SOX6: variants seen among roughly 807,000 people sequenced by gnomAD.
SOX6 encodes the protein SRY-box transcription factor 6.
Under a neutral mutation model 97.8 loss-of-function variants are expected in SOX6, and 11 were observed. The observed-to-expected ratio is 0.11, with a 90% confidence interval of 0.07 to 0.19. The LOEUF is 0.19. SOX6 is among the 10% of genes least tolerant of loss of function. The pLI, the probability that SOX6 is intolerant of heterozygous loss-of-function variation, is 1.00. For missense variants in SOX6, 810 were observed against 1,039.5 expected (o/e 0.78, Z 3.04); for synonymous variants, 360 against 371.4 (o/e 0.97, Z 0.35).
At chr11:16,376,365 G>C (rs1448912012) in intron 1 of SOX6, among the ~76,000 whole-genome samples, 2 of 151,840 alleles carry the variant, frequency 1.3e-5, no homozygotes, top group East Asian at 3.9e-4. Context: ...AGTGGAAATA[G>C]AGAGAGAGAG....
At chr11:15,996,710 T>C (rs1854238216) in intron 13 of SOX6, among the ~76,000 whole-genome samples, 1 of 151,712 alleles carries the variant, frequency 6.6e-6, no homozygotes, top group Non-Finnish European at 1.5e-5. Flanking sequence ...AGGGATTCAA[T>C]TAACACAAAG....
intron 4 of SOX6, among the ~76,000 whole-genome samples, chr11:16,499,311 G>C (rs1292320557): frequency 1.3e-5 from 2 of 152,138 alleles, no homozygotes; most frequent in African/African-American, 4.8e-5. Context: ...TCAAAGCAGT[G>C]TGTAGAGGGA....
chr11:16,560,740 A>G (rs1847806237), intron 4 of SOX6, among the ~76,000 whole-genome samples: 1 of 152,208 alleles, frequency 6.6e-6, no homozygotes, highest in South Asian at 2.1e-4. Flanking sequence ...ACTCAATCTG[A>G]GGAAACAATC....
At chr11:16,666,107 A>G (rs937010108) in intron 3 of SOX6, among the ~76,000 whole-genome samples, 15 of 152,218 alleles carry the variant, frequency 9.9e-5, no homozygotes, top group African/African-American at 3.6e-4. Context: ...AGCCCAGACT[A>G]CAAAGACTAC....
At chr11:16,575,579 T>C (rs1304942895) in intron 4 of SOX6, among the ~76,000 whole-genome samples, 1 of 152,226 alleles carries the variant, frequency 6.6e-6, no homozygotes, top group African/African-American at 2.4e-5. Context: ...GTCTTCATGA[T>C]AATGATACAG....
At chr11:16,242,471 C>T (rs2134187098) in intron 3 of SOX6, among the ~76,000 whole-genome samples, 1 of 151,954 alleles carries the variant, frequency 6.6e-6, no homozygotes, top group African/African-American at 2.4e-5. Flanking sequence ...TGTGACTGTG[C>T]TTTGAAACAA....
chr11:16,253,238 A>G (rs1322540007), intron 3 of SOX6, among the ~76,000 whole-genome samples: 2 of 152,008 alleles, frequency 1.3e-5, no homozygotes, highest in African/African-American at 4.8e-5. Context: ...AATCCCAGCT[A>G]TTCAGGAGGC....
chr11:16,341,029 A>T lies in SOX6; in HGVS notation c.220T>A (p.Ser74Thr). The T allele has an allele frequency of 1.2e-6, 2 of 1,613,384 alleles. No homozygotes were observed. The highest frequency in any genetic ancestry group is 1.1e-5 in the South Asian group (1 of 91,076). ...QQDADWDSVL[S>T]SQQRMESENN... ...AGGCTCACCATTCTTTGCTGAGATG[A>T]CAGAACGCTGTCCCAGTCAGCATCT... Residue 74 changes from serine to threonine, a missense_variant, in exon 2 of 16, where the codon TCA (serine) becomes ACA (threonine). Physicochemically the swap from Ser to Thr is moderately conservative, Grantham distance 58 (BLOSUM62 1). Around this residue, in one of 9 missense-constraint regions of SOX6, gnomAD observed 100 missense variants for 94.6 expected, o/e 1.06. Coordinates refer to ENST00000683767, the MANE Select transcript of SOX6 (RefSeq NM_001367873.1).
At chr11:16,465,814 G>C (rs955797012) in intron 1 of SOX6, 1 of 152,156 alleles carries the variant, frequency 6.6e-6, no homozygotes, top group African/African-American at 2.4e-5. Flanking sequence ...CAAACTGTGT[G>C]AGCTGAAAAG....
At chr11:16,483,282 G>A (rs1860376320) in intron 4 of SOX6, among the ~76,000 whole-genome samples, 1 of 151,932 alleles carries the variant, frequency 6.6e-6, no homozygotes, top group African/African-American at 2.4e-5. Flanking sequence ...CCTTCCCAAA[G>A]AAAGAACAAT....
At chr11:16,113,607 C>T (rs1159360442) in intron 6 of SOX6, among the ~76,000 whole-genome samples, 1 of 152,106 alleles carries the variant, frequency 6.6e-6, no homozygotes, top group Non-Finnish European at 1.5e-5. Context: ...TTATGGGTTA[C>T]AATTGTTCAG....
intron 3 of SOX6, among the ~76,000 whole-genome samples, chr11:16,255,643 A>G (rs1853658519): frequency 6.6e-6 from 1 of 152,072 alleles, no homozygotes; most frequent in Non-Finnish European, 1.5e-5. Flanking sequence ...TCTAAAAGCG[A>G]TAAGCTGAGC....
At chr11:16,503,116 A>G (rs1860733586) in intron 4 of SOX6, among the ~76,000 whole-genome samples, 1 of 152,218 alleles carries the variant, frequency 6.6e-6, no homozygotes, top group African/African-American at 2.4e-5. Flanking sequence ...CAGCAAAGTT[A>G]TCCTTCATAA....
intron 1 of SOX6, among the ~76,000 whole-genome samples, chr11:16,365,837 T>G (rs761911962): frequency 1.3e-5 from 2 of 152,274 alleles, no homozygotes; most frequent in East Asian, 3.9e-4. Flanking sequence ...CACTAAAAAG[T>G]AAAAAGCTCT....
chr11:16,269,889 T>TA (rs1032450763), intron 3 of SOX6: 11 of 151,320 alleles, frequency 7.3e-5, no homozygotes, highest in African/African-American at 2.4e-4. Flanking sequence ...TTTACTTCGT[T>TA]ACAACTTCTT....
chr11:16,625,522 T>G (rs1848612176), intron 3 of SOX6, among the ~76,000 whole-genome samples: 1 of 152,290 alleles, frequency 6.6e-6, no homozygotes, highest in South Asian at 2.1e-4. Flanking sequence ...TGACGTTTTC[T>G]GTGTGAGAGG....
At chr11:16,517,637 T>C (rs1860994046) in intron 4 of SOX6, among the ~76,000 whole-genome samples, 1 of 152,174 alleles carries the variant, frequency 6.6e-6, no homozygotes, top group Non-Finnish European at 1.5e-5. Context: ...AACATCTATA[T>C]ATATTACACC....
At chr11:16,206,094 G>A (rs895051274) in intron 4 of SOX6, among the ~76,000 whole-genome samples, 3 of 151,590 alleles carry the variant, frequency 2.0e-5, no homozygotes, top group African/African-American at 7.3e-5. Flanking sequence ...TATGTATGTT[G>A]TATATATACA....
rs571133797 is a variant in SOX6 at position 16,644,306 on chromosome 11, C to G, written n.430-32046G>C. On this transcript the variant is annotated intron_variant and non_coding_transcript_variant, in intron 3 of 5. Coordinates refer to the SOX6 transcript ENST00000524520. ...CCGCCTGCCTCAGCCTCTCAAAGTG[C>G]TGGGATTACATATCACCCACCATAC... Among the ~76,000 whole-genome samples the G allele has an allele frequency of 5.3e-5, 8 of 152,298 alleles. No homozygotes were observed. The South Asian group carries it at 6.2e-4, about 12-fold the overall frequency.
Sources: gnomAD v4.1 joint callset for allele counts (sites outside exome capture counted in the v4.1 genomes callset) on GRCh38, gnomAD v4.1.1 for gene constraint, gnomAD v4.1.1 regional missense constraint, MANE v1.5 for transcripts, NCBI Gene and HGNC (gene_info 2026-07-23, HGNC 2026-07-21) for gene names.